TMEM50A: variants seen among roughly 807,000 people sequenced by gnomAD.
TMEM50A encodes the protein cervical cancer oncogene 9.
In TMEM50A, 8 loss-of-function variants were observed where a neutral mutation model predicts 23.9. The ratio of observed to expected loss-of-function variants is 0.33; its 90% CI spans 0.20 to 0.60. The LOEUF is 0.60. TMEM50A is among the 20% of genes least tolerant of loss of function. The probability of loss-of-function intolerance (pLI) is 0.81; values close to 1 mark genes in which losing one functional copy is unlikely to be tolerated. For missense variants in TMEM50A, 178 were observed against 192.7 expected (o/e 0.92, Z 0.45); for synonymous variants, 55 against 60.4 (o/e 0.91, Z 0.41).
At chr1:25,352,824 A>T in intron 4 of TMEM50A, 58 bp from the exon 5 acceptor site, 1 of 1,478,492 alleles carries the variant, frequency 6.8e-7, no homozygotes, top group Non-Finnish European at 9.1e-7. Flanking sequence ...TTTCTTTTTG[A>T]AAGTTAATTG....
intron 3 of TMEM50A, among the ~76,000 whole-genome samples, chr1:25,343,987 C>T (rs973795966): frequency 2.0e-5 from 3 of 152,160 alleles, no homozygotes; most frequent in African/African-American, 7.2e-5. Context: ...TGACTCATGC[C>T]TGTAATTCCA....
At chr1:25,353,468 A>G (rs1233790077) in intron 5 of TMEM50A, among the ~76,000 whole-genome samples, 1 of 152,116 alleles carries the variant, frequency 6.6e-6, no homozygotes, top group Non-Finnish European at 1.5e-5. Flanking sequence ...TTTTTTATAG[A>G]GATGGATCTT....
chr1:25,347,143 AACATC>A (rs1400275899), intron 3 of TMEM50A, among the ~76,000 whole-genome samples: 2 of 152,140 alleles, frequency 1.3e-5, no homozygotes, highest in East Asian at 3.8e-4. Context: ...CAAGATTTAA[AACATC>A]ACCCCAGAAC....
chr1:25,347,237 C>CTT (rs111684866), intron 3 of TMEM50A, among the ~76,000 whole-genome samples: 2 of 147,044 alleles, frequency 1.4e-5, no homozygotes, highest in African/African-American at 2.5e-5. Flanking sequence ...TTCTGTAGAC[C>CTT]TTTTTTTTTT....
intron 3 of TMEM50A, among the ~76,000 whole-genome samples, chr1:25,346,476 G>A (rs934553290): frequency 2.0e-5 from 3 of 152,050 alleles, no homozygotes; most frequent in Non-Finnish European, 2.9e-5. Flanking sequence ...ACACACTACT[G>A]TCTCAAAATC....
At chr1:25,354,041 G>T (rs567437036) in intron 5 of TMEM50A, among the ~76,000 whole-genome samples, 5 of 151,900 alleles carry the variant, frequency 3.3e-5, no homozygotes, top group Non-Finnish European at 5.9e-5. Flanking sequence ...ACCCAGGCTG[G>T]AATGCAGTGG....
chr1:25,346,236 C>G (rs1645215348), intron 3 of TMEM50A, among the ~76,000 whole-genome samples: 1 of 152,038 alleles, frequency 6.6e-6, no homozygotes, highest in African/African-American at 2.4e-5. Context: ...TCAACTCTCT[C>G]TGTGGGCCTT....
chr1:25,339,647 A>G (rs1221618483), intron 1 of TMEM50A, among the ~76,000 whole-genome samples: 1 of 152,240 alleles, frequency 6.6e-6, no homozygotes, highest in Non-Finnish European at 1.5e-5. Flanking sequence ...AATTCCACTC[A>G]GAGCCAAAGT....
intron 3 of TMEM50A, among the ~76,000 whole-genome samples, chr1:25,344,034 C>G (rs1645189740): frequency 6.6e-6 from 1 of 152,070 alleles, no homozygotes; most frequent in Non-Finnish European, 1.5e-5. Context: ...ATCACTTGAG[C>G]TCAGGAATTT....
In TMEM50A at chr1:25,361,567, C is replaced by T. The variant is rs997525500; in HGVS notation, c.*862C>T. 2 of 152,330 alleles carry T rather than the reference C, an allele frequency of 1.3e-5. No individual in the cohort carries two copies. The highest frequency in any genetic ancestry group is 2.4e-5 in the African/African-American group (1 of 41,448). 9.4% of individuals were successfully genotyped at this position (152,330 alleles called of 1,614,324 possible). On this transcript the variant is annotated 3_prime_UTR_variant, in exon 7 of 7. Transcript: ENST00000374358. ...AGACCAGCACGGTCAACTAGAATGA[C>T]AAACATTAGCTACTGGGAACTCTTG...
intron 6 of TMEM50A, among the ~76,000 whole-genome samples, chr1:25,359,593 G>A (rs1645373283): frequency 6.6e-6 from 1 of 152,052 alleles, no homozygotes; most frequent in African/African-American, 2.4e-5. Flanking sequence ...AAGCTGTCCT[G>A]GGCCACATGT....
chr1:25,353,188 C>T (rs546350034), intron 5 of TMEM50A, among the ~76,000 whole-genome samples: 1 of 152,146 alleles, frequency 6.6e-6, no homozygotes, highest in Non-Finnish European at 1.5e-5. Flanking sequence ...TTCTTCTTAT[C>T]CAGAGCCTGG....
chr1:25,356,858 G>C lies in TMEM50A; in HGVS notation c.428+5G>C. The C allele has an allele frequency of 6.3e-7, 1 of 1,579,316 alleles. No individual in the cohort carries two copies. Among genetic ancestry groups the C allele is most frequent in the Non-Finnish European group, 8.6e-7 (1 of 1,165,568 alleles). On this transcript the variant is annotated splice_donor_5th_base_variant and intron_variant, in intron 6 of 6. Transcript: ENST00000374358. ...GAATGCCTTCATCTTTTTTGGGTAA[G>C]TTTGTTTTGCATTCTTTATGTTTGT... is the stretch of plus-strand genomic sequence containing the variant.
intron 5 of TMEM50A, among the ~76,000 whole-genome samples, chr1:25,354,780 A>G (rs1208812533): frequency 6.6e-6 from 1 of 151,938 alleles, no homozygotes; most frequent in Non-Finnish European, 1.5e-5. Context: ...TTTTGCTGCT[A>G]TAAAATCTGT....
At chr1:25,357,360 G>A (rs1364548323) in intron 6 of TMEM50A, among the ~76,000 whole-genome samples, 1 of 152,026 alleles carries the variant, frequency 6.6e-6, no homozygotes, top group Non-Finnish European at 1.5e-5. Flanking sequence ...AAACCTCAAG[G>A]CTTTTATCAG....
At chr1:25,343,825 G>A (rs745659483) in intron 3 of TMEM50A, among the ~76,000 whole-genome samples, 3 of 152,210 alleles carry the variant, frequency 2.0e-5, no homozygotes, top group Non-Finnish European at 4.4e-5. Context: ...GAAACAGCAA[G>A]TACAAAGGCT....
intron 6 of TMEM50A, among the ~76,000 whole-genome samples, chr1:25,357,097 C>T (rs1349443021): frequency 3.3e-5 from 5 of 152,074 alleles, no homozygotes; most frequent in Non-Finnish European, 7.4e-5. Flanking sequence ...GAGTGAGTAA[C>T]TATGATTCAT....
At chr1:25,351,521 A>C in intron 3 of TMEM50A, 105 bp from the exon 4 acceptor site, 1 of 993,544 alleles carries the variant, frequency 1.0e-6, no homozygotes, top group Non-Finnish European at 1.4e-6. Context: ...TAAAAAAAAA[A>C]AAAAGACTTT....
intron 3 of TMEM50A, among the ~76,000 whole-genome samples, chr1:25,346,976 G>A (rs896943854): frequency 1.3e-5 from 2 of 152,090 alleles, no homozygotes; most frequent in Non-Finnish European, 2.9e-5. Flanking sequence ...CCAAGATCAC[G>A]GCACTGGATT....
Sources: allele counts gnomAD v4.1 joint callset (sites outside exome capture counted in the v4.1 genomes callset), GRCh38; gene constraint gnomAD v4.1.1; transcripts MANE v1.5; gene names NCBI Gene and HGNC (gene_info 2026-07-23, HGNC 2026-07-21).